Variants in NAV3 observed in about 807,000 individuals in gnomAD.
NAV3 encodes pore membrane and/or filament interacting like protein 1.
NAV3 carries 87 observed loss-of-function variants against 244.7 expected under a neutral mutation model. The ratio of observed to expected loss-of-function variants is 0.36; its 90% CI spans 0.30 to 0.42. NAV3 has a LOEUF of 0.42. Among genes scored for constraint, NAV3 ranks in the 20% least tolerant of loss-of-function variants. The pLI, the probability that NAV3 is intolerant of heterozygous loss-of-function variation, is 1.00. For missense variants in NAV3, 2,663 were observed against 2,893.3 expected, an observed-to-expected ratio of 0.92 and a Z score of 1.83; for synonymous variants, 1,126 against 1,042.2, an observed-to-expected ratio of 1.08 and a Z score of -1.55.
intron 8 of NAV3, among the ~76,000 whole-genome samples, chr12:78,013,136 C>A (rs1214021893): frequency 6.6e-6 from 1 of 152,148 alleles, no homozygotes; most frequent in East Asian, 1.9e-4. Flanking sequence ...TTCTCTTCAG[C>A]ACATTCATTC....
intron 2 of NAV3, among the ~76,000 whole-genome samples, chr12:77,736,828 C>A (rs2137370289): frequency 6.6e-6 from 1 of 152,200 alleles, no homozygotes; most frequent in South Asian, 2.1e-4. Context: ...GTGGATGAAC[C>A]CATTGCATGA....
At chr12:77,661,070 A>G (rs1873421448) in intron 2 of NAV3, among the ~76,000 whole-genome samples, 1 of 152,166 alleles carries the variant, frequency 6.6e-6, no homozygotes, top group Admixed American at 6.6e-5. Context: ...AAGGCTTTAA[A>G]TGTGTCTAAA....
intron 39 of NAV3, among the ~76,000 whole-genome samples, chr12:78,208,204 A>G (rs1392391222): frequency 1.3e-5 from 2 of 152,090 alleles, no homozygotes; most frequent in Admixed American, 6.6e-5. Context: ...TCACATGGTG[A>G]GAAAAGAAGC....
intron 2 of NAV3, among the ~76,000 whole-genome samples, chr12:77,741,731 A>T (rs1868341521): frequency 6.6e-6 from 1 of 152,138 alleles, no homozygotes; most frequent in Non-Finnish European, 1.5e-5. Flanking sequence ...TTCCCCTTAA[A>T]ATTGTAGACA....
At chr12:77,679,937 G>A (rs976002052) in intron 2 of NAV3, among the ~76,000 whole-genome samples, 2 of 152,150 alleles carry the variant, frequency 1.3e-5, no homozygotes, top group African/African-American at 4.8e-5. Context: ...CATCGAACCA[G>A]AAGTAATGGG....
intron 12 of NAV3, among the ~76,000 whole-genome samples, chr12:78,104,893 A>G (rs370307131): frequency 3.8e-4 from 58 of 152,244 alleles, no homozygotes; most frequent in African/African-American, 1.4e-3. Flanking sequence ...AAATTAATCT[A>G]TGTCATTTCA....
intron 4 of NAV3, among the ~76,000 whole-genome samples, chr12:77,966,644 C>G (rs1276872552): frequency 6.6e-6 from 1 of 151,896 alleles, no homozygotes. Flanking sequence ...GACATAAATA[C>G]AGGTAAAATA....
chr12:78,101,759 A>T (rs1954548556), intron 12 of NAV3, among the ~76,000 whole-genome samples: 1 of 152,190 alleles, frequency 6.6e-6, no homozygotes, highest in Admixed American at 6.5e-5. Flanking sequence ...TATAAGAGGT[A>T]TGATGTAGGG....
At chr12:78,067,561 C>A in intron 12 of NAV3, among the ~76,000 whole-genome samples, 1 of 151,980 alleles carries the variant, frequency 6.6e-6, no homozygotes, top group East Asian at 1.9e-4. Flanking sequence ...TTATAATGCC[C>A]CTTAGGAAAT....
At chr12:78,182,725 C>A (rs1288457141) in intron 30 of NAV3, among the ~76,000 whole-genome samples, 3 of 151,626 alleles carry the variant, frequency 2.0e-5, no homozygotes, top group Admixed American at 6.6e-5. Flanking sequence ...TTTTTTAATA[C>A]CTTTTTTTAC....
chr12:78,028,636 T>G (rs1215411967), intron 9 of NAV3, among the ~76,000 whole-genome samples: 1 of 151,980 alleles, frequency 6.6e-6, no homozygotes, highest in African/African-American at 2.4e-5. Context: ...TTTCAGGGAG[T>G]GAATTTCTTA....
At chr12:78,041,980 C>T (rs1237127429) in intron 9 of NAV3, among the ~76,000 whole-genome samples, 1 of 152,092 alleles carries the variant, frequency 6.6e-6, no homozygotes, top group Admixed American at 6.6e-5. Flanking sequence ...CCATTCCCTT[C>T]CCAGCCGTCC....
chr12:78,202,331 TTATC>T (rs1311159494), intron 38 of NAV3, among the ~76,000 whole-genome samples: 4 of 152,060 alleles, frequency 2.6e-5, no homozygotes, highest in African/African-American at 4.8e-5. Flanking sequence ...TAATAAACCA[TTATC>T]TAAGTATTTA....
At chr12:78,130,515 G>A (rs192326332) in intron 18 of NAV3, 80 of 202,466 alleles carry the variant, frequency 4.0e-4, no homozygotes, top group African/African-American at 1.8e-3. Context: ...GGGAAGCCTC[G>A]ATTCCTGGCT....
At chr12:77,664,605 T>C (rs1432659123) in intron 2 of NAV3, among the ~76,000 whole-genome samples, 1 of 152,250 alleles carries the variant, frequency 6.6e-6, no homozygotes, top group Non-Finnish European at 1.5e-5. Context: ...CTTACAGTTC[T>C]ATTATAACTC....
At chr12:77,589,710 G>A (rs578246655) in intron 2 of NAV3, among the ~76,000 whole-genome samples, 1 of 152,206 alleles carries the variant, frequency 6.6e-6, no homozygotes, top group Non-Finnish European at 1.5e-5. Context: ...CACCACATGT[G>A]GGGATTATGG....
chr12:77,596,879 C>T (rs775478019), intron 2 of NAV3, among the ~76,000 whole-genome samples: 1 of 151,958 alleles, frequency 6.6e-6, no homozygotes, highest in Non-Finnish European at 1.5e-5. Context: ...CTGGCTTTGT[C>T]AGAAAGTAAA....
At chr12:78,094,257 A>G (rs911059972) in intron 12 of NAV3, among the ~76,000 whole-genome samples, 10 of 152,208 alleles carry the variant, frequency 6.6e-5, no homozygotes, top group Non-Finnish European at 1.3e-4. Flanking sequence ...TGTAACAAAA[A>G]TGGCTTGTGA....
rs981368330 is a variant in NAV3 at position 77,923,161 on chromosome 12, A to G, written c.244-17158A>G. On this transcript the variant is annotated intron_variant, in intron 1 of 39. Coordinates refer to ENST00000397909, the MANE Select transcript of NAV3 (RefSeq NM_001024383.2). ...AATTAATATAAACTACATTTTTGGAATATCAGTTCACATAAAAAGAGAATA... is the reference window on the plus strand; with the variant it reads ...AATTAATATAAACTACATTTTTGGAGTATCAGTTCACATAAAAAGAGAATA... Among the ~76,000 whole-genome samples, 12 of 152,174 alleles carry G rather than the reference A, an allele frequency of 7.9e-5. No homozygotes were observed. The South Asian group carries it at 2.1e-3, about 26-fold the overall frequency.
Sources: gnomAD v4.1 joint callset for allele counts (sites outside exome capture counted in the v4.1 genomes callset) on GRCh38, gnomAD v4.1.1 for gene constraint, MANE v1.5 for transcripts, NCBI Gene and HGNC (gene_info 2026-07-23, HGNC 2026-07-21) for gene names.